Variants in STK39 observed in about 807,000 individuals in gnomAD.
STK39 encodes the protein STE20/SPS1-related proline-alanine-rich protein kinase.
In STK39, 20 loss-of-function variants were observed where a neutral mutation model predicts 77.8. That is an observed-to-expected ratio of 0.26 (90% confidence interval 0.18 to 0.37). The LOEUF (loss-of-function observed/expected upper bound fraction) is 0.37, where lower values mean the gene tolerates loss of function less well. Among genes scored for constraint, STK39 ranks in the 10% least tolerant of loss-of-function variants. The pLI, the probability that STK39 is intolerant of heterozygous loss-of-function variation, is 1.00. For missense variants in STK39, 479 were observed against 656.5 expected (o/e 0.73, Z 2.95); for synonymous variants, 246 against 234.1 (o/e 1.05, Z -0.47).
rs137980907 is a variant in STK39 at position 167,969,082 on chromosome 2, T to C, written c.1499-4356A>G. On this transcript the variant is annotated intron_variant, in intron 16 of 17. Transcript: ENST00000355999. ...CCTCTTTCTGCACAAGGCCATGCATTGGTCATTGGTGAAATGAAGATATTA... is the reference window on the plus strand; with the variant it reads ...CCTCTTTCTGCACAAGGCCATGCATCGGTCATTGGTGAAATGAAGATATTA... Among the ~76,000 whole-genome samples, 1,463 of 152,342 alleles carry C rather than the reference T, an allele frequency of 9.6e-3. 31 individuals are homozygous for C. The highest frequency in any genetic ancestry group is 0.034 in the African/African-American group (1,407 of 41,580).
intron 5 of STK39, among the ~76,000 whole-genome samples, chr2:168,157,752 T>C (rs1688471780): frequency 6.6e-6 from 1 of 152,046 alleles, no homozygotes; most frequent in Non-Finnish European, 1.5e-5. Context: ...ACATATGAAT[T>C]TGGAGGGCAC....
chr2:168,181,701 T>A (rs1689085947), intron 2 of STK39, among the ~76,000 whole-genome samples: 1 of 152,160 alleles, frequency 6.6e-6, no homozygotes, highest in Non-Finnish European at 1.5e-5. Flanking sequence ...GTGCCCTTGA[T>A]ACAGCAAGTG....
At chr2:168,125,207 T>C (rs1011137896) in intron 10 of STK39, among the ~76,000 whole-genome samples, 1 of 151,422 alleles carries the variant, frequency 6.6e-6, no homozygotes, top group African/African-American at 2.4e-5. Context: ...TAATAAGAAC[T>C]GATTTTGATA....
intron 5 of STK39, among the ~76,000 whole-genome samples, chr2:168,156,000 A>G (rs184355364): frequency 4.9e-4 from 75 of 152,324 alleles, no homozygotes; most frequent in African/African-American, 1.6e-3. Context: ...GCTGCGATGA[A>G]CAACACAGTT....
intron 16 of STK39, among the ~76,000 whole-genome samples, chr2:167,984,010 G>T (rs188968943): frequency 3.9e-5 from 6 of 152,258 alleles, no homozygotes; most frequent in African/African-American, 1.2e-4. Context: ...GATTGGGGAG[G>T]TGAGCGGGAT....
chr2:168,004,995 CTCTTT>C (rs1324571309), intron 16 of STK39, among the ~76,000 whole-genome samples: 169 of 123,208 alleles, frequency 1.4e-3, no homozygotes, highest in Middle Eastern at 9.0e-3. Context: ...ACAGAAGGCC[CTCTTT>C]TTTTTTTTTT....
chr2:168,061,709 T>G (rs578198711), intron 14 of STK39, among the ~76,000 whole-genome samples: 8 of 152,292 alleles, frequency 5.3e-5, no homozygotes, highest in African/African-American at 1.9e-4. Context: ...AACTGTATCA[T>G]GAGAAAAAGG....
chr2:168,031,577 A>T (rs1684834134), intron 14 of STK39, among the ~76,000 whole-genome samples: 1 of 152,206 alleles, frequency 6.6e-6, no homozygotes, highest in African/African-American at 2.4e-5. Context: ...AGGTAATTAA[A>T]GTTAAGTGAG....
intron 1 of STK39, among the ~76,000 whole-genome samples, chr2:168,246,917 C>G (rs1357635340): frequency 6.6e-6 from 1 of 152,036 alleles, no homozygotes; most frequent in East Asian, 1.9e-4. Flanking sequence ...GATGCGGCGG[C>G]GCCGCCTGGT....
At chr2:168,057,700 C>G (rs910458657) in intron 14 of STK39, among the ~76,000 whole-genome samples, 2 of 152,146 alleles carry the variant, frequency 1.3e-5, no homozygotes, top group Non-Finnish European at 2.9e-5. Context: ...ATTCTCCTCT[C>G]TTCTAAAACC....
At chr2:168,050,470 T>A (rs1685365838) in intron 14 of STK39, among the ~76,000 whole-genome samples, 1 of 152,218 alleles carries the variant, frequency 6.6e-6, no homozygotes, top group South Asian at 2.1e-4. Context: ...GAAAGATTAT[T>A]TTGGATTATC....
chr2:168,111,666 CA>C (rs1474737938), intron 10 of STK39, among the ~76,000 whole-genome samples: 3 of 152,182 alleles, frequency 2.0e-5, no homozygotes, highest in Non-Finnish European at 4.4e-5. Context: ...TAGTCTAAAA[CA>C]AGCAAAATTC....
intron 1 of STK39, among the ~76,000 whole-genome samples, chr2:168,193,919 C>A (rs976487085): frequency 6.6e-6 from 1 of 152,154 alleles, no homozygotes; most frequent in Admixed American, 6.5e-5. Flanking sequence ...CAGGTACCCA[C>A]CTCCTAATAA....
chr2:168,152,589 T>C (rs767589709), intron 5 of STK39, among the ~76,000 whole-genome samples: 16 of 152,074 alleles, frequency 1.1e-4, no homozygotes, highest in Non-Finnish European at 2.4e-4. Flanking sequence ...CTGAGGAGAT[T>C]TGAGAGTGAA....
chr2:168,100,262 C>T (rs191850460), intron 10 of STK39, among the ~76,000 whole-genome samples: 29 of 151,916 alleles, frequency 1.9e-4, no homozygotes, highest in African/African-American at 5.5e-4. Flanking sequence ...GGGTCACATT[C>T]GAAAAAAAAG....
At chr2:168,133,326 G>T (rs1687748840) in intron 8 of STK39, among the ~76,000 whole-genome samples, 1 of 152,224 alleles carries the variant, frequency 6.6e-6, no homozygotes, top group Non-Finnish European at 1.5e-5. Context: ...GCCTTCATCA[G>T]TAAGTACAAA....
At chr2:167,969,580 A>T (rs975052642) in intron 16 of STK39, among the ~76,000 whole-genome samples, 7 of 152,170 alleles carry the variant, frequency 4.6e-5, no homozygotes, top group Admixed American at 4.6e-4. Context: ...TCCCCACTAG[A>T]TTCAAACTCT....
chr2:168,098,498 G>A (rs933166283), intron 10 of STK39, among the ~76,000 whole-genome samples: 1 of 152,138 alleles, frequency 6.6e-6, no homozygotes, highest in Non-Finnish European at 1.5e-5. Flanking sequence ...CTGGGATACG[G>A]TCAAAGCCAC....
intron 16 of STK39, among the ~76,000 whole-genome samples, chr2:168,012,420 A>C (rs931641510): frequency 6.6e-6 from 1 of 152,090 alleles, no homozygotes; most frequent in Admixed American, 6.6e-5. Context: ...TGGTCCACCC[A>C]CCTTGGCCTC....
Sources: gnomAD v4.1 joint callset for allele counts (sites outside exome capture counted in the v4.1 genomes callset) on GRCh38, gnomAD v4.1.1 for gene constraint, MANE v1.5 for transcripts, NCBI Gene and HGNC (gene_info 2026-07-23, HGNC 2026-07-21) for gene names.